Variants in TTLL7 observed in about 807,000 individuals in gnomAD.
TTLL7 encodes tubulin polyglutamylase TTLL7.
A neutral mutation model predicts 120.2 loss-of-function variants in TTLL7; 53 were observed. The observed-to-expected ratio is 0.44, with a 90% confidence interval of 0.35 to 0.55. The LOEUF (loss-of-function observed/expected upper bound fraction) is 0.55, where lower values mean the gene tolerates loss of function less well. Ranked by LOEUF, TTLL7 falls within the 20% of genes least tolerant of loss-of-function variation. TTLL7 has a pLI of 0.00. For synonymous variants in TTLL7, 353 were observed against 351.7 expected (o/e 1.00, Z -0.04); for missense variants, 803 against 1,054.7 (o/e 0.76, Z 3.31).
At chr1:83,955,899 G>T (rs1649467157) in intron 1 of TTLL7, among the ~76,000 whole-genome samples, 1 of 152,102 alleles carries the variant, frequency 6.6e-6, no homozygotes, top group African/African-American at 2.4e-5. Flanking sequence ...TACCTGGGTG[G>T]CTAAGAAGGA....
intron 1 of TTLL7, among the ~76,000 whole-genome samples, chr1:83,996,305 G>T (rs1025515261): frequency 3.3e-5 from 5 of 152,140 alleles, no homozygotes; most frequent in African/African-American, 1.2e-4. Context: ...CCTGGAAGGG[G>T]ACTCGGGGCA....
intron 1 of TTLL7, among the ~76,000 whole-genome samples, chr1:83,971,296 A>G (rs1007168006): frequency 1.3e-5 from 2 of 152,110 alleles, no homozygotes; most frequent in East Asian, 1.9e-4. Flanking sequence ...GCCATGGTCC[A>G]ACTATTATAT....
intron 1 of TTLL7, chr1:83,980,697 TAATAACAGAA>T (rs1651876355): frequency 1.3e-5 from 2 of 152,132 alleles, no homozygotes; most frequent in Non-Finnish European, 2.9e-5. Flanking sequence ...AAGGAAAGAA[TAATAACAGAA>T]TTGGGAAAAA....
At chr1:83,901,306 A>G (rs893308972) in intron 18 of TTLL7, among the ~76,000 whole-genome samples, 62 of 151,890 alleles carry the variant, frequency 4.1e-4, no homozygotes, top group African/African-American at 1.5e-3. Flanking sequence ...TCTTTTTTAC[A>G]TAGAAAGCTG....
At position 83,871,574 on chromosome 1, in the gene TTLL7, G is replaced by A. The variant is rs190788045; in HGVS notation, c.2544-1492C>T. ...ATAAACAGTGGGACGGTATCAAATCGTTTATTTTCTTCACTTGACATTAGA... is the reference window on the plus strand; with the variant it reads ...ATAAACAGTGGGACGGTATCAAATCATTTATTTTCTTCACTTGACATTAGA... On this transcript the variant is annotated intron_variant, in intron 20 of 20. Coordinates refer to ENST00000260505, the MANE Select transcript of TTLL7 (RefSeq NM_024686.6). Among the ~76,000 whole-genome samples, 42 of 152,208 alleles carry A rather than the reference G, an allele frequency of 2.8e-4. 1 individual carries two copies. Among genetic ancestry groups the A allele is most frequent in the Middle Eastern group, 3.4e-3 (1 of 294 alleles).
chr1:83,871,503 A>C (rs1014746645), intron 20 of TTLL7, among the ~76,000 whole-genome samples: 4 of 152,228 alleles, frequency 2.6e-5, no homozygotes, highest in African/African-American at 9.6e-5. Context: ...GGAATTTCCA[A>C]GAGCAGAAGC....
At chr1:83,929,371 T>C (rs1659399657) in intron 9 of TTLL7, 141 bp from the exon 10 acceptor site, 2 of 584,272 alleles carry the variant, frequency 3.4e-6, no homozygotes, top group Admixed American at 3.1e-5. Context: ...CCAGTTGTTA[T>C]TGCCACATCT....
intron 9 of TTLL7, among the ~76,000 whole-genome samples, 188 bp downstream of exon 9, chr1:83,933,420 A>C (rs1019985826): frequency 6.6e-6 from 1 of 152,200 alleles, no homozygotes; most frequent in African/African-American, 2.4e-5. Flanking sequence ...AAGTAATATC[A>C]AACACTGTGA....
intron 20 of TTLL7, among the ~76,000 whole-genome samples, chr1:83,878,468 G>T (rs1452722419): frequency 1.3e-5 from 2 of 151,862 alleles, no homozygotes; most frequent in South Asian, 2.1e-4. Flanking sequence ...GGAATCTAGA[G>T]TGTTGACAAC....
intron 1 of TTLL7, among the ~76,000 whole-genome samples, chr1:83,990,429 C>T (rs1268462384): frequency 6.6e-6 from 1 of 152,166 alleles, no homozygotes; most frequent in Non-Finnish European, 1.5e-5. Flanking sequence ...CCCGCCTCGG[C>T]CTCCCAAAGT....
At chr1:83,960,594 G>A (rs1361702548) in intron 1 of TTLL7, among the ~76,000 whole-genome samples, 1 of 152,050 alleles carries the variant, frequency 6.6e-6, no homozygotes, top group Non-Finnish European at 1.5e-5. Flanking sequence ...TTTCAGCTTT[G>A]TATTTGCAAT....
chr1:83,937,183 G>A (rs567537586), intron 8 of TTLL7, among the ~76,000 whole-genome samples: 4 of 150,998 alleles, frequency 2.6e-5, no homozygotes, highest in South Asian at 2.1e-4. Flanking sequence ...TATTACAATC[G>A]CCTACACTAT....
At chr1:83,969,414 G>T (rs1172729255) in intron 1 of TTLL7, among the ~76,000 whole-genome samples, 1 of 151,812 alleles carries the variant, frequency 6.6e-6, no homozygotes, top group Non-Finnish European at 1.5e-5. Context: ...ACTTTAAGAA[G>T]AACTCACTGA....
Position 83,867,315 on chromosome 1 carries a change from A to G in TTLL7, c.*2647T>C, listed in dbSNP as rs929372053. ...AATAGCACTACAGCAGACACAGTCCATAGCATACCAGGTAGTATATATAAA... is the reference window on the plus strand; with the variant it reads ...AATAGCACTACAGCAGACACAGTCCGTAGCATACCAGGTAGTATATATAAA... On this transcript the variant is annotated 3_prime_UTR_variant, in exon 21 of 21. Transcript: ENST00000260505. 4 of 152,034 alleles carry G rather than the reference A, an allele frequency of 2.6e-5. No homozygotes were observed. The highest frequency in any genetic ancestry group is 2.0e-4 in the Admixed American group (3 of 15,252). The allele number at this position is 152,034 out of a possible 1,614,324, so 9.4% of individuals were successfully genotyped here. A position where few individuals can be genotyped will look rare whatever the true frequency, so the allele number is the denominator to read the frequency against.
intron 9 of TTLL7, among the ~76,000 whole-genome samples, chr1:83,930,980 G>A (rs1340726838): frequency 6.7e-6 from 1 of 150,040 alleles, no homozygotes; most frequent in African/African-American, 2.4e-5. Context: ...TTCAATTTAG[G>A]TTTTCATTCA....
At chr1:83,894,008 T>G (rs553652723) in intron 18 of TTLL7, among the ~76,000 whole-genome samples, 1 of 152,268 alleles carries the variant, frequency 6.6e-6, no homozygotes, top group East Asian at 1.9e-4. Context: ...AAGGCATTAA[T>G]TCATGCCTTT....
chr1:83,986,301 AG>A (rs372190237), intron 1 of TTLL7, among the ~76,000 whole-genome samples: 24 of 152,222 alleles, frequency 1.6e-4, no homozygotes, highest in African/African-American at 5.3e-4. Flanking sequence ...CATGTATGCA[AG>A]GCTGATTCAA....
Position 83,879,434 on chromosome 1 carries a change from C to G in TTLL7, c.2543+3529G>C, listed in dbSNP as rs535209565. Among the ~76,000 whole-genome samples the G allele has an allele frequency of 4.3e-4, 65 of 152,094 alleles. 1 individual carries two copies. The South Asian group carries it at 9.5e-3, about 22-fold the overall frequency. ...CATGCTTGGCTCAGCCTCTGTCTTT[C>G]TGGCTCTGCCTTTCTGCAGTGAGGA... is the stretch of plus-strand genomic sequence containing the variant. On this transcript the variant is annotated intron_variant, in intron 20 of 20. Transcript: ENST00000260505.
intron 1 of TTLL7, among the ~76,000 whole-genome samples, chr1:83,992,598 T>C (rs1222192642): frequency 6.6e-6 from 1 of 152,122 alleles, no homozygotes; most frequent in South Asian, 2.1e-4. Flanking sequence ...TAATTCTGCC[T>C]TGCTTTTTCT....
Sources: gnomAD v4.1 joint callset for allele counts (sites outside exome capture counted in the v4.1 genomes callset) on GRCh38, gnomAD v4.1.1 for gene constraint, MANE v1.5 for transcripts, NCBI Gene and HGNC (gene_info 2026-07-23, HGNC 2026-07-21) for gene names.